Variants in TNRC6B observed in about 807,000 individuals in gnomAD.
The protein encoded by TNRC6B is trinucleotide repeat-containing gene 6B protein.
Under a neutral mutation model 203.6 loss-of-function variants are expected in TNRC6B, and 52 were observed. The observed-to-expected ratio is 0.26, with a 90% confidence interval of 0.20 to 0.32. The LOEUF is 0.32. Among genes scored for constraint, TNRC6B ranks in the 10% least tolerant of loss-of-function variants. The pLI is 1.00. For missense variants in TNRC6B, 1,923 were observed against 2,286.2 expected (o/e 0.84, Z 3.24); for synonymous variants, 838 against 845.7 (o/e 0.99, Z 0.16).
Position 40,267,021 on chromosome 22 carries a change from A to G in TNRC6B, c.2791A>G (p.Ser931Gly). ...REPNLPTPMT[S>G]KSASVWSKST... ...ACCAAACCTGCCCACCCCAATGACC[A>G]GTAAATCGGCATCAGGTAAGCAGTG... The change falls in exon 5 of 23, where the codon AGT (serine) becomes GGT (glycine). Residue 931 changes from serine (S) to glycine (G), a missense_variant. Transcript: ENST00000454349. 1.3e-6 allele frequency: 2 copies of G among 1,599,110 alleles called. No homozygotes were observed. The highest frequency in any genetic ancestry group is 2.2e-5 in the South Asian group (2 of 89,046).
chr22:40,086,373 T>C (rs556336748), intron 1 of TNRC6B, among the ~76,000 whole-genome samples: 4 of 152,366 alleles, frequency 2.6e-5, no homozygotes, highest in Non-Finnish European at 5.9e-5. Flanking sequence ...ATTTCATAGA[T>C]GTGAATCCAT....
chr22:40,239,313 C>T (rs879322419), intron 1 of TNRC6B, among the ~76,000 whole-genome samples: 12 of 152,200 alleles, frequency 7.9e-5, no homozygotes, highest in Admixed American at 4.6e-4. Flanking sequence ...CTGTGCCTTC[C>T]GGTCTGTGCC....
chr22:40,200,314 T>C, intron 1 of TNRC6B, among the ~76,000 whole-genome samples: 1 of 97,304 alleles, frequency 1.0e-5, no homozygotes. Context: ...AGACAAGAGC[T>C]TCACTCTTGT....
intron 13 of TNRC6B, 69 bp from the exon 14 acceptor site, chr22:40,300,841 C>T: frequency 6.8e-7 from 1 of 1,469,526 alleles, no homozygotes; most frequent in Non-Finnish European, 9.4e-7. Flanking sequence ...GTGCACAGAC[C>T]CTTTAGGTGT....
At chr22:40,259,695 C>G (rs2070345429) in intron 3 of TNRC6B, among the ~76,000 whole-genome samples, 1 of 152,164 alleles carries the variant, frequency 6.6e-6, no homozygotes, top group South Asian at 2.1e-4. Context: ...TCTCCTGTCA[C>G]CCACAGTATG....
chr22:40,279,307 A>G (rs1307950606), intron 9 of TNRC6B, among the ~76,000 whole-genome samples: 1 of 152,256 alleles, frequency 6.6e-6, no homozygotes, highest in Non-Finnish European at 1.5e-5. Flanking sequence ...TAGTAAAGGA[A>G]GTAGGTAGTC....
At chr22:40,106,929 T>G in intron 1 of TNRC6B, 4 of 1,032,100 alleles carry the variant, frequency 3.9e-6, no homozygotes, top group Non-Finnish European at 6.0e-6. Context: ...AACTTCCTCC[T>G]TGCCCTTTGA....
At chr22:40,178,648 A>G (rs998715755) in intron 1 of TNRC6B, among the ~76,000 whole-genome samples, 1 of 152,166 alleles carries the variant, frequency 6.6e-6, no homozygotes, top group Non-Finnish European at 1.5e-5. Context: ...TGTAAAACCT[A>G]AAGTAAGACC....
intron 15 of TNRC6B, among the ~76,000 whole-genome samples, chr22:40,308,213 C>T (rs551024519): frequency 6.6e-6 from 1 of 152,340 alleles, no homozygotes; most frequent in Admixed American, 6.5e-5. Context: ...TTGAGAGTGG[C>T]TGGCCCCAGC....
chr22:40,335,744 A>G lies in TNRC6B; in HGVS notation c.*12503A>G, dbSNP rs532993070. On this transcript the variant is annotated 3_prime_UTR_variant, in exon 23 of 23. Transcript: ENST00000454349. ...ACTCAGTTGCTTACATTATAACTAC[A>G]AAATATTTTTGGGTTCCTGGAAAAA... 3.0e-5 allele frequency: 4 copies of G among 133,110 alleles called. No homozygotes were observed. In the East Asian group the frequency reaches 6.4e-4, roughly 21 times the overall value. 8.2% of individuals were successfully genotyped at this position (133,110 alleles called of 1,614,324 possible).
intron 19 of TNRC6B, among the ~76,000 whole-genome samples, chr22:40,313,644 A>C (rs2071217959): frequency 6.6e-6 from 1 of 152,244 alleles, no homozygotes; most frequent in Non-Finnish European, 1.5e-5. Flanking sequence ...AGTCATTATG[A>C]CTTACGTGCT....
intron 1 of TNRC6B, among the ~76,000 whole-genome samples, chr22:40,114,445 T>C (rs1378100130): frequency 1.3e-5 from 2 of 152,126 alleles, no homozygotes; most frequent in East Asian, 1.9e-4. Flanking sequence ...CTTAGCCTCT[T>C]TAGTAGCTGA....
chr22:40,274,876 CT>C (rs990018926), intron 7 of TNRC6B, among the ~76,000 whole-genome samples: 2 of 152,152 alleles, frequency 1.3e-5, no homozygotes, highest in Non-Finnish European at 2.9e-5. Flanking sequence ...CAGACCCTCT[CT>C]TTTTTCAATT....
chr22:40,186,517 A>T (rs557949007), intron 1 of TNRC6B, among the ~76,000 whole-genome samples: 2 of 152,092 alleles, frequency 1.3e-5, no homozygotes, highest in East Asian at 3.9e-4. Flanking sequence ...AGGTGAGCGG[A>T]TCACAAGGTC....
At chr22:40,123,759 CAG>C (rs1233080275) in intron 2 of TNRC6B, among the ~76,000 whole-genome samples, 4 of 152,294 alleles carry the variant, frequency 2.6e-5, no homozygotes, top group South Asian at 2.1e-4. Context: ...TATAATGAAA[CAG>C]AGAAATGCAG....
At chr22:40,251,842 T>C (rs2070200189) in intron 3 of TNRC6B, among the ~76,000 whole-genome samples, 1 of 152,218 alleles carries the variant, frequency 6.6e-6, no homozygotes, top group Admixed American at 6.5e-5. Context: ...CAGCAGTTTG[T>C]CCACCACCTT....
In TNRC6B at chr22:40,080,112, T is replaced by G. The variant is rs1250053414; in HGVS notation, c.-121+35114T>G. ...GCCTGGCCTTTTTTTTTTTTTTTTT[T>G]TGTGTAGAGACACAGGTCTCACTAT... On this transcript the variant is annotated intron_variant, in intron 1 of 23. Transcript: ENST00000301923. 2.1e-3 allele frequency among the ~76,000 whole-genome samples: 313 copies of G among 149,356 alleles called. 3 individuals carry two copies. Among genetic ancestry groups the G allele is most frequent in the African/African-American group, 6.7e-3 (269 of 40,358 alleles).
intron 19 of TNRC6B, among the ~76,000 whole-genome samples, chr22:40,314,847 C>G (rs2071235617): frequency 6.6e-6 from 1 of 152,180 alleles, no homozygotes; most frequent in Non-Finnish European, 1.5e-5. Flanking sequence ...TAGACTGGAT[C>G]AAGGCACAAG....
At chr22:40,136,789 C>T (rs1254886448) in intron 3 of TNRC6B, among the ~76,000 whole-genome samples, 2 of 152,034 alleles carry the variant, frequency 1.3e-5, no homozygotes, top group Non-Finnish European at 2.9e-5. Flanking sequence ...TAAGTACCCA[C>T]GTGTTTCTAC....
Sources: gnomAD v4.1 joint callset for allele counts (sites outside exome capture counted in the v4.1 genomes callset) on GRCh38, gnomAD v4.1.1 for gene constraint, MANE v1.5 for transcripts, NCBI Gene and HGNC (gene_info 2026-07-23, HGNC 2026-07-21) for gene names.